Variants in PLEKHM1 observed in about 807,000 individuals in gnomAD.
PLEKHM1 encodes the protein pleckstrin homology and RUN domain containing M1, also known as pleckstrin homology domain-containing family M member 1.
A neutral mutation model predicts 94.3 loss-of-function variants in PLEKHM1; 28 were observed. The observed-to-expected ratio is 0.30, with a 90% CI of 0.22 to 0.41. The LOEUF is 0.41. Ranked by LOEUF, PLEKHM1 falls within the 10% of genes least tolerant of loss-of-function variation. PLEKHM1 has a pLI of 1.00. For synonymous variants in PLEKHM1, 424 were observed against 581.2 expected (o/e 0.73, Z 3.89); for missense variants, 907 against 1,358.6 (o/e 0.67, Z 5.22).
In PLEKHM1 at chr17:45,490,660, G is replaced by C. The variant is rs1034191845; in HGVS notation, c.-50C>G. ...TTGACCCCCTAACTCACCAAGCGGA[G>C]CGAGGAGCGAGGCGAGGGGCGCTCC... On this transcript the variant is annotated 5_prime_UTR_variant, in exon 1 of 12. Coordinates refer to ENST00000430334, the MANE Select transcript of PLEKHM1 (RefSeq NM_014798.3). 76 of 450,610 alleles carry C rather than the reference G, an allele frequency of 1.7e-4. No homozygotes were observed. The highest frequency in any genetic ancestry group is 2.7e-4 in the Non-Finnish European group (61 of 224,496). The allele number at this position is 450,610 out of a possible 1,614,324, so 27.9% of individuals were successfully genotyped here.
chr17:45,468,141 T>C (rs1003033521), intron 5 of PLEKHM1, 68 bp downstream of exon 5: 61 of 1,605,584 alleles, frequency 3.8e-5, no homozygotes, highest in Non-Finnish European at 4.9e-5. Context: ...TCAGGGTCAC[T>C]AGCTGGGGAA....
At chr17:45,440,369 C>T (rs2145162317) in intron 9 of PLEKHM1, 143 bp from the exon 10 acceptor site, 1 of 785,028 alleles carries the variant, frequency 1.3e-6, no homozygotes, top group East Asian at 2.6e-5. Context: ...TGTAATTCGG[C>T]CTGCCTGGGC....
chr17:45,446,559 C>T (rs1428591566), intron 8 of PLEKHM1, among the ~76,000 whole-genome samples: 1 of 152,164 alleles, frequency 6.6e-6, no homozygotes, highest in African/African-American at 2.4e-5. Flanking sequence ...TCTCCACAGC[C>T]GACAAGTGCA....
chr17:45,489,451 C>T (rs1377242208), intron 1 of PLEKHM1, among the ~76,000 whole-genome samples: 2 of 152,232 alleles, frequency 1.3e-5, no homozygotes, highest in Non-Finnish European at 2.9e-5. Context: ...GAAGTGACAG[C>T]TTCCATCATT....
rs755243650 is a variant in PLEKHM1 at position 45,475,745 on chromosome 17, C to T, written c.297-19G>A. The T allele has an allele frequency of 1.8e-5, 29 of 1,581,662 alleles. No homozygotes were observed. Among genetic ancestry groups the T allele is most frequent in the Middle Eastern group, 1.7e-4 (1 of 6,048 alleles). ...GATGTGTCTGGGAAGGGAGAACAGA[C>T]GTGTTTCAAGAAACTACCCCAAATC... On this transcript the variant is annotated intron_variant, in intron 3 of 11. Coordinates refer to ENST00000430334, the MANE Select transcript of PLEKHM1 (RefSeq NM_014798.3).
chr17:45,441,832 C>G (rs544337945), intron 9 of PLEKHM1, among the ~76,000 whole-genome samples: 1 of 152,152 alleles, frequency 6.6e-6, no homozygotes, highest in South Asian at 2.1e-4. Context: ...TGTCCTCTGG[C>G]GTGAGGCTGG....
intron 4 of PLEKHM1, among the ~76,000 whole-genome samples, chr17:45,474,232 T>A (rs1318771089): frequency 2.0e-5 from 3 of 152,090 alleles, no homozygotes; most frequent in Non-Finnish European, 2.9e-5. Context: ...TAATTTTTTG[T>A]ATTTTTAGTA....
intron 5 of PLEKHM1, among the ~76,000 whole-genome samples, chr17:45,460,681 C>T (rs2051125728): frequency 2.0e-5 from 3 of 152,142 alleles, no homozygotes; most frequent in Admixed American, 6.5e-5. Flanking sequence ...TTTAGCCCCA[C>T]TGAATAGCTG....
At position 45,437,485 on chromosome 17, in the gene PLEKHM1, C is replaced by T. The variant is rs1312745065; in HGVS notation, c.*373G>A. 2.0e-6 allele frequency: 1 copy of T among 503,252 alleles called. No homozygotes were observed. The highest frequency in any genetic ancestry group is 3.9e-6 in the Non-Finnish European group (1 of 259,388). The allele number at this position is 503,252 out of a possible 1,614,324, so 31.2% of individuals were successfully genotyped here. ...AAAAACCCACCTTAAAAAACTAGAC[C>T]TTTTAATCAGGAATGTGGAATTGAA... On this transcript the variant is annotated 3_prime_UTR_variant, in exon 12 of 12. Coordinates refer to ENST00000430334, the MANE Select transcript of PLEKHM1 (RefSeq NM_014798.3). This position sits in a 1 kb window ranked among gnomAD's most constrained non-coding sequence, Gnocchi z 4.0.
intron 10 of PLEKHM1, 153 bp downstream of exon 10, chr17:45,440,010 G>T: frequency 1.4e-6 from 1 of 740,456 alleles, no homozygotes; most frequent in Non-Finnish European, 2.4e-6. Flanking sequence ...GGAAGCTGGG[G>T]CAGCAGGGCA....
intron 1 of PLEKHM1, among the ~76,000 whole-genome samples, chr17:45,483,136 G>A (rs2052007661): frequency 6.6e-6 from 1 of 151,850 alleles, no homozygotes; most frequent in Admixed American, 6.6e-5. Context: ...AGCACAGACA[G>A]GGACGTGTCT....
intron 5 of PLEKHM1, among the ~76,000 whole-genome samples, chr17:45,459,147 T>C (rs2051075478): frequency 6.6e-6 from 1 of 151,882 alleles, no homozygotes. Context: ...TCTAAAAAAA[T>C]AAATAAATAA....
Position 45,474,994 on chromosome 17 carries a change from T to C in PLEKHM1, c.923+106A>G, listed in dbSNP as rs559283766. ...TCCCTTGGCTTTCTTTAATTACTAA[T>C]AGAGTTCAGTAACAGACAATCACAT... On this transcript the variant is annotated intron_variant, in intron 4 of 11. Transcript: ENST00000430334. 12 of 1,172,304 alleles carry C rather than the reference T, an allele frequency of 1.0e-5. No homozygotes were observed. The Admixed American group carries it at 1.8e-4, about 17-fold the overall frequency. The allele number at this position is 1,172,304 out of a possible 1,614,324, so 72.6% of individuals were successfully genotyped here. A position where few individuals can be genotyped will look rare whatever the true frequency, so the allele number is the denominator to read the frequency against.
chr17:45,438,055 C>A, intron 11 of PLEKHM1, 86 bp from the exon 12 acceptor site: 1 of 954,192 alleles, frequency 1.0e-6, no homozygotes, highest in Non-Finnish European at 1.7e-6. Flanking sequence ...TGACCAGAAC[C>A]CACGATACGG....
chr17:45,483,463 CT>C (rs2145355311), intron 1 of PLEKHM1, among the ~76,000 whole-genome samples: 1 of 145,894 alleles, frequency 6.9e-6, no homozygotes, highest in East Asian at 2.0e-4. Context: ...GGGGTGGGGA[CT>C]TTAGCCTGAG....
At chr17:45,450,848 G>A in intron 7 of PLEKHM1, 85 bp from the exon 8 acceptor site, 2 of 822,696 alleles carry the variant, frequency 2.4e-6, no homozygotes, top group South Asian at 1.6e-5. Flanking sequence ...AGGATCTGCT[G>A]GTTGATTTTT....
chr17:45,476,586 G>A (rs942907510), intron 3 of PLEKHM1, among the ~76,000 whole-genome samples: 29 of 152,286 alleles, frequency 1.9e-4, no homozygotes, highest in African/African-American at 6.5e-4. Context: ...TGGGGAACTT[G>A]AGCAGGATAC....
At chr17:45,465,009 G>A (rs2051277106) in intron 5 of PLEKHM1, among the ~76,000 whole-genome samples, 1 of 152,010 alleles carries the variant, frequency 6.6e-6, no homozygotes, top group Non-Finnish European at 1.5e-5. Context: ...GTACTTGCTG[G>A]AGATACCAAG....
chr17:45,473,194 CA>C (rs2145306427), intron 4 of PLEKHM1, among the ~76,000 whole-genome samples: 1 of 152,120 alleles, frequency 6.6e-6, no homozygotes, highest in South Asian at 2.1e-4. Context: ...ACCACATACA[CA>C]AGGTTATTTA....
Sources: allele counts gnomAD v4.1 joint callset (sites outside exome capture counted in the v4.1 genomes callset), GRCh38; gene constraint gnomAD v4.1.1; non-coding constraint Gnocchi (gnomAD v3.1); transcripts MANE v1.5; gene names NCBI Gene and HGNC (gene_info 2026-07-23, HGNC 2026-07-21).